The following ECE1 variants were observed in gnomAD, a reference collection of about 807,000 sequenced individuals.
The protein encoded by ECE1 is endothelin converting enzyme 1.
In ECE1, 35 loss-of-function variants were observed where a neutral mutation model predicts 98.6. That is an observed-to-expected ratio of 0.35 (90% CI 0.27 to 0.47). The LOEUF (loss-of-function observed/expected upper bound fraction) is 0.47. ECE1 is among the 20% of genes least tolerant of loss of function. The pLI is 1.00. For synonymous variants in ECE1, 394 were observed against 407.1 expected (o/e 0.97, Z 0.39); for missense variants, 814 against 1,025.3 (o/e 0.79, Z 2.81).
At chr1:21,344,698 G>A (rs983132373) in intron 1 of ECE1, among the ~76,000 whole-genome samples, 1 of 152,070 alleles carries the variant, frequency 6.6e-6, no homozygotes, top group African/African-American at 2.4e-5. Context: ...GTCAGCACTC[G>A]GCCTCAGCAA....
chr1:21,260,204 G>T lies in ECE1; in HGVS notation c.615+67C>A. ...GGGCCAGTGGTACCAGAAGGCTGGA[G>T]TGGAAGCCAGGGGGCGGGCAGGTGG... On this transcript the variant is annotated intron_variant, in intron 5 of 18. Coordinates refer to ENST00000374893, the MANE Select transcript of ECE1 (RefSeq NM_001397.3). The surrounding 1 kb of genome is among the most constrained non-coding windows in gnomAD (Gnocchi z 4.3). 2.5e-6 allele frequency: 4 copies of T among 1,611,688 alleles called. No individual in the cohort carries two copies. In the South Asian group the frequency reaches 4.4e-5, roughly 18 times the overall value.
chr1:21,333,226 G>T (rs983241647), intron 1 of ECE1, among the ~76,000 whole-genome samples: 32 of 152,074 alleles, frequency 2.1e-4, no homozygotes, highest in African/African-American at 4.6e-4. Flanking sequence ...TGCAGAAGGT[G>T]GGGGGAGCTG....
At chr1:21,263,352 T>A (rs555594912) in intron 4 of ECE1, among the ~76,000 whole-genome samples, 4 of 126,228 alleles carry the variant, frequency 3.2e-5, no homozygotes, top group African/African-American at 1.1e-4. Context: ...GTTTCCTTTT[T>A]TTATATTTAT....
In ECE1 at chr1:21,238,263, G is replaced by A; in HGVS notation, c.1279-19C>T. On this transcript the variant is annotated intron_variant, in intron 10 of 18. Transcript: ENST00000374893. ...GACAGGTCTGGAAAACACAAGTCAG[G>A]GGGCTCGCTGGGCCCCAGCCCTTTG... The A allele has an allele frequency of 6.3e-7, 1 of 1,592,430 alleles. No individual in the cohort carries two copies. The highest frequency in any genetic ancestry group is 8.6e-7 in the Non-Finnish European group (1 of 1,162,442).
chr1:21,280,524 G>A (rs957924553), intron 2 of ECE1, among the ~76,000 whole-genome samples: 2 of 152,206 alleles, frequency 1.3e-5, no homozygotes, highest in African/African-American at 2.4e-5. Context: ...CAGAAAGCCA[G>A]GTTAAGAGCC....
chr1:21,222,854 A>AG (rs1350024212), intron 17 of ECE1, among the ~76,000 whole-genome samples: 6 of 150,798 alleles, frequency 4.0e-5, no homozygotes, highest in African/African-American at 1.5e-4. Flanking sequence ...AAAAAAAAAA[A>AG]AAAAAAAAAA....
chr1:21,284,712 T>C (rs2745244), intron 2 of ECE1, among the ~76,000 whole-genome samples: 7,817 of 152,214 alleles, frequency 0.051, 678 homozygotes, highest in African/African-American at 0.18. Flanking sequence ...GCCTGCTGCC[T>C]GGGGCCCACG....
chr1:21,321,311 A>C (rs986015091), intron 1 of ECE1, among the ~76,000 whole-genome samples: 1 of 152,182 alleles, frequency 6.6e-6, no homozygotes, highest in Non-Finnish European at 1.5e-5. Context: ...CCCAGATAAC[A>C]GCTGGGAAGA....
intron 1 of ECE1, among the ~76,000 whole-genome samples, chr1:21,343,354 A>G (rs1444210165): frequency 6.6e-6 from 1 of 152,176 alleles, no homozygotes; most frequent in Non-Finnish European, 1.5e-5. Context: ...TCCCTACAAC[A>G]TGATAAACTT....
At chr1:21,273,712 C>T (rs2098243221) in intron 3 of ECE1, among the ~76,000 whole-genome samples, 1 of 152,210 alleles carries the variant, frequency 6.6e-6, no homozygotes, top group Non-Finnish European at 1.5e-5. Flanking sequence ...CCTGTAATCC[C>T]AGCACTTTGG....
chr1:21,341,055 T>G (rs1639388556), intron 1 of ECE1, among the ~76,000 whole-genome samples: 1 of 145,244 alleles, frequency 6.9e-6, no homozygotes. Context: ...CCCAACACTC[T>G]TCCCAGTCCC....
At position 21,279,266 on chromosome 1, in the gene ECE1, G is replaced by GC. The variant is rs2098251447; in HGVS notation, c.204dup (p.Leu69AlafsTer56). 1 of 1,614,234 alleles carries GC rather than the reference G, an allele frequency of 6.2e-7. No individual in the cohort carries two copies. Among genetic ancestry groups the GC allele is most frequent in the African/African-American group, 1.3e-5 (1 of 75,074 alleles). On this transcript the variant is annotated frameshift_variant, in exon 3 of 19. Coordinates refer to ENST00000374893, the MANE Select transcript of ECE1 (RefSeq NM_001397.3). LOFTEE classifies it high-confidence loss of function. ...GCCAGAAGTACCACCAACACCACCA[G>GC]CCGCTTCTCCACCTGGGTCCGTGCA...
chr1:21,289,056 G>GC (rs2103358521), intron 2 of ECE1, among the ~76,000 whole-genome samples: 1 of 152,282 alleles, frequency 6.6e-6, no homozygotes, highest in East Asian at 1.9e-4. Flanking sequence ...CTTCTAAGAG[G>GC]CGTATCTGAG....
intron 14 of ECE1, 75 bp from the exon 15 acceptor site, chr1:21,228,116 C>A: frequency 8.1e-7 from 1 of 1,230,288 alleles, no homozygotes; most frequent in South Asian, 1.3e-5. Context: ...TGGAGCGCTG[C>A]TTGGGGATCG....
rs80277342 is a variant in ECE1 at position 21,285,340 on chromosome 1, G to A, written c.138+4730C>T. On this transcript the variant is annotated intron_variant, in intron 2 of 18. Coordinates refer to ENST00000374893, the MANE Select transcript of ECE1 (RefSeq NM_001397.3). ...TGAGAAGTCAAATATCCCACTGTGT[G>A]TTGCTGGGCAGTCTCTGGGCCTCAG... Among the ~76,000 whole-genome samples the A allele has an allele frequency of 2.6e-5, 4 of 152,290 alleles. No individual in the cohort carries two copies. In the East Asian group the frequency reaches 7.7e-4, roughly 29 times the overall value.
chr1:21,275,644 C>A (rs1240308672), intron 3 of ECE1, among the ~76,000 whole-genome samples: 1 of 152,164 alleles, frequency 6.6e-6, no homozygotes, highest in Non-Finnish European at 1.5e-5. Flanking sequence ...TCACTAAGTG[C>A]CTACTTTGCT....
At chr1:21,295,171 G>C (rs1638318444), upstream of ECE1, among the ~76,000 whole-genome samples, 1 of 152,172 alleles carries the variant, frequency 6.6e-6, no homozygotes. Flanking sequence ...GATAACAATA[G>C]TACCTCCCTC....
chr1:21,318,090 C>T (rs1293196980), intron 1 of ECE1, among the ~76,000 whole-genome samples: 2 of 152,238 alleles, frequency 1.3e-5, no homozygotes, highest in African/African-American at 4.8e-5. Flanking sequence ...TTAAACGATT[C>T]TTCCCAGCTC....
At position 21,279,318 on chromosome 1, in the gene ECE1, G is replaced by A. The variant is rs2098251564; in HGVS notation, c.153C>T (p.Ser51=). The stretch of plus-strand genomic sequence containing the variant: ...CCCAGCACCTCTGGCCACTCCGGGG[G>A]CTGTGGAAGTTCACCTGCAGGGAAG... ...YPNGLQVNFH[S]PRSGQRCWAA... is the part of the protein sequence containing the mutation. Residue 51 remains serine, a synonymous_variant, in exon 3 of 19, where the codon AGC becomes AGT. Transcript: ENST00000374893. 5.0e-6 allele frequency: 8 copies of A among 1,614,072 alleles called. No homozygotes were observed. Among genetic ancestry groups the A allele is most frequent in the South Asian group, 2.2e-5 (2 of 91,092 alleles).
Sources: gnomAD v4.1 joint callset for allele counts (sites outside exome capture counted in the v4.1 genomes callset) on GRCh38, gnomAD v4.1.1 for gene constraint, Gnocchi (gnomAD v3.1) non-coding constraint, MANE v1.5 for transcripts, NCBI Gene and HGNC (gene_info 2026-07-23, HGNC 2026-07-21) for gene names.